The following GRIN2B variants were observed in gnomAD, a reference collection of about 807,000 sequenced individuals.
The protein encoded by GRIN2B is glutamate receptor ionotropic, NMDA 2B.
A neutral mutation model predicts 114.5 loss-of-function variants in GRIN2B; 5 were observed. The observed-to-expected ratio is 0.04, with a 90% confidence interval of 0.02 to 0.09. GRIN2B has a LOEUF of 0.09. Among genes scored for constraint, GRIN2B ranks in the 10% least tolerant of loss-of-function variants. GRIN2B has a pLI of 1.00. For missense variants in GRIN2B, 1,108 were observed against 1,943.5 expected (o/e 0.57, Z 8.08); for synonymous variants, 787 against 745.1 (o/e 1.06, Z -0.92).
intron 3 of GRIN2B, among the ~76,000 whole-genome samples, chr12:13,761,716 A>C (rs547455758): frequency 6.6e-6 from 1 of 152,316 alleles, no homozygotes; most frequent in South Asian, 2.1e-4. Flanking sequence ...CTTTCTATAA[A>C]AGAGCAAGCT....
chr12:13,707,762 A>T (rs939297249), intron 4 of GRIN2B, among the ~76,000 whole-genome samples: 1 of 152,150 alleles, frequency 6.6e-6, no homozygotes, highest in Non-Finnish European at 1.5e-5. Context: ...ATTGAAAAAA[A>T]AATTTAACTT....
chr12:13,607,827 G>A (rs552175984), intron 10 of GRIN2B, among the ~76,000 whole-genome samples: 20 of 152,064 alleles, frequency 1.3e-4, no homozygotes, highest in African/African-American at 4.8e-4. Flanking sequence ...TTGGCCATAA[G>A]CTTTATGGGA....
intron 2 of GRIN2B, among the ~76,000 whole-genome samples, chr12:13,926,973 A>AG (rs397936868): frequency 6.6e-6 from 1 of 150,996 alleles, no homozygotes; most frequent in African/African-American, 2.4e-5. Flanking sequence ...AAAAAAAAAA[A>AG]GACAAATTTG....
chr12:13,708,889 T>C (rs1950388533), intron 4 of GRIN2B, among the ~76,000 whole-genome samples: 1 of 152,094 alleles, frequency 6.6e-6, no homozygotes, highest in Non-Finnish European at 1.5e-5. Context: ...TCCCAGTACC[T>C]GGGATACATA....
At chr12:13,959,372 G>C (rs529350488) in intron 2 of GRIN2B, among the ~76,000 whole-genome samples, 25 of 152,326 alleles carry the variant, frequency 1.6e-4, no homozygotes, top group African/African-American at 6.0e-4. Flanking sequence ...TCAGGCTGCA[G>C]AGGGCTTCCT....
chr12:13,547,973 A>ATT lies in GRIN2B; in HGVS notation c.*14809_*14810insAA, dbSNP rs1313051828. 3.5e-4 allele frequency: 16 copies of ATT among 46,324 alleles called. No homozygotes were observed. Among genetic ancestry groups the ATT allele is most frequent in the African/African-American group, 7.9e-4 (13 of 16,378 alleles). The allele number at this position is 46,324 out of a possible 1,614,324, so 2.9% of individuals were successfully genotyped here. A position where few individuals can be genotyped will look rare whatever the true frequency, so the allele number is the denominator to read the frequency against. ...TGTATGTGTGTGTATATATATATAT[A>ATT]TATATATATTTTTTTTTTTTTTCTG... On this transcript the variant is annotated 3_prime_UTR_variant, in exon 14 of 14. Transcript: ENST00000609686.
chr12:13,595,415 C>T (rs1189230422), intron 10 of GRIN2B, among the ~76,000 whole-genome samples: 1 of 152,166 alleles, frequency 6.6e-6, no homozygotes, highest in Non-Finnish European at 1.5e-5. Flanking sequence ...GAAAAATGTA[C>T]TTATGGTTGT....
chr12:13,849,683 C>A (rs1865526326), intron 3 of GRIN2B, among the ~76,000 whole-genome samples: 1 of 152,136 alleles, frequency 6.6e-6, no homozygotes, highest in Non-Finnish European at 1.5e-5. Context: ...AAACACATCT[C>A]ACTCATCCAT....
chr12:13,591,503 G>C (rs1949008691), intron 10 of GRIN2B, among the ~76,000 whole-genome samples: 1 of 152,154 alleles, frequency 6.6e-6, no homozygotes, highest in South Asian at 2.1e-4. Flanking sequence ...GGAAACTGAG[G>C]CATGAGAAGG....
chr12:13,577,337 A>G (rs1385319156), intron 10 of GRIN2B, among the ~76,000 whole-genome samples: 1 of 152,242 alleles, frequency 6.6e-6, no homozygotes, highest in Non-Finnish European at 1.5e-5. Context: ...GGAGAGCAGC[A>G]GGGAATCAGA....
At chr12:13,711,685 T>A (rs1475502211) in intron 4 of GRIN2B, among the ~76,000 whole-genome samples, 1 of 152,044 alleles carries the variant, frequency 6.6e-6, no homozygotes, top group Admixed American at 6.5e-5. Flanking sequence ...TGAGATACCA[T>A]CTCACACCAG....
At chr12:13,869,461 AT>A (rs1031134087) in intron 2 of GRIN2B, among the ~76,000 whole-genome samples, 1 of 152,110 alleles carries the variant, frequency 6.6e-6, no homozygotes, top group African/African-American at 2.4e-5. Flanking sequence ...ACCATATAAA[AT>A]TGTTAATATT....
intron 2 of GRIN2B, among the ~76,000 whole-genome samples, chr12:13,954,576 G>A (rs1328561556): frequency 8.6e-5 from 13 of 151,892 alleles, no homozygotes; most frequent in East Asian, 1.9e-4. Flanking sequence ...TTGGGAGGCC[G>A]AGGCGGGTGG....
At chr12:13,915,098 C>T (rs1284905220) in intron 2 of GRIN2B, among the ~76,000 whole-genome samples, 5 of 152,168 alleles carry the variant, frequency 3.3e-5, no homozygotes, top group African/African-American at 7.2e-5. Flanking sequence ...TTAGAGGTGA[C>T]GGCTATCCCA....
intron 4 of GRIN2B, among the ~76,000 whole-genome samples, chr12:13,707,663 A>C (rs996314748): frequency 3.3e-5 from 5 of 152,082 alleles, no homozygotes; most frequent in Non-Finnish European, 7.4e-5. Flanking sequence ...AAAATCTGAG[A>C]TTTTCACTTA....
At chr12:13,610,230 A>G (rs1452143483) in intron 9 of GRIN2B, among the ~76,000 whole-genome samples, 1 of 152,212 alleles carries the variant, frequency 6.6e-6, no homozygotes, top group Non-Finnish European at 1.5e-5. Flanking sequence ...AAGCTTTATA[A>G]ATTGTAAAAT....
At chr12:13,801,192 G>A (rs1264721909) in intron 3 of GRIN2B, among the ~76,000 whole-genome samples, 1 of 152,040 alleles carries the variant, frequency 6.6e-6, no homozygotes, top group Non-Finnish European at 1.5e-5. Flanking sequence ...TATATAACGA[G>A]GACAGTACGT....
At chr12:13,590,082 G>A (rs902231983) in intron 10 of GRIN2B, among the ~76,000 whole-genome samples, 8 of 151,910 alleles carry the variant, frequency 5.3e-5, no homozygotes, top group Admixed American at 3.3e-4. Context: ...TGAAACTAAG[G>A]CTCTTCTCTA....
chr12:13,600,441 T>C (rs982695213), intron 10 of GRIN2B, among the ~76,000 whole-genome samples: 2 of 152,170 alleles, frequency 1.3e-5, no homozygotes, highest in African/African-American at 4.8e-5. Flanking sequence ...TAAGTTACTA[T>C]TTATCCAGTT....
Sources: gnomAD v4.1 joint callset for allele counts (sites outside exome capture counted in the v4.1 genomes callset) on GRCh38, gnomAD v4.1.1 for gene constraint, MANE v1.5 for transcripts, NCBI Gene and HGNC (gene_info 2026-07-23, HGNC 2026-07-21) for gene names.